Variants in KDM4C observed in about 807,000 individuals in gnomAD.
The protein encoded by KDM4C is lysine-specific demethylase 4C.
KDM4C carries 81 observed loss-of-function variants against 129.3 expected under a neutral mutation model. The observed-to-expected ratio is 0.63, with a 90% CI of 0.52 to 0.75. The LOEUF is 0.75. KDM4C is among the 30% of genes least tolerant of loss of function. The pLI is 0.00. For missense variants in KDM4C, 1,457 were observed against 1,304.0 expected, an observed-to-expected ratio of 1.12 and a Z score of -1.81; for synonymous variants, 573 against 456.1, an observed-to-expected ratio of 1.26 and a Z score of -3.26.
At chr9:6,950,486 A>G (rs147586767) in intron 8 of KDM4C, among the ~76,000 whole-genome samples, 133 of 152,298 alleles carry the variant, frequency 8.7e-4, no homozygotes, top group Non-Finnish European at 1.7e-3. Flanking sequence ...GGAAGTATTT[A>G]TGTGAAAACC....
At chr9:7,056,371 G>A (rs1224706774) in intron 17 of KDM4C, among the ~76,000 whole-genome samples, 1 of 150,832 alleles carries the variant, frequency 6.6e-6, no homozygotes, top group Non-Finnish European at 1.5e-5. Flanking sequence ...AAGTACATTA[G>A]TAGCTGTATA....
At chr9:6,771,350 C>T (rs924340862) in intron 1 of KDM4C, among the ~76,000 whole-genome samples, 3 of 151,794 alleles carry the variant, frequency 2.0e-5, no homozygotes, top group South Asian at 2.1e-4. Flanking sequence ...CTTGCTCTGT[C>T]GCCCAGGCTG....
At chr9:7,050,169 T>A (rs1334939544) in intron 17 of KDM4C, among the ~76,000 whole-genome samples, 1 of 152,072 alleles carries the variant, frequency 6.6e-6, no homozygotes, top group Non-Finnish European at 1.5e-5. Flanking sequence ...TGAACACTGT[T>A]ATTTGCCATC....
chr9:6,771,823 A>T (rs1821906115), intron 1 of KDM4C, among the ~76,000 whole-genome samples: 1 of 151,138 alleles, frequency 6.6e-6, no homozygotes, highest in Admixed American at 6.7e-5. Flanking sequence ...GCCCAGGCTG[A>T]GTGCTGGAGG....
chr9:6,832,071 G>T (rs926874803), intron 4 of KDM4C, among the ~76,000 whole-genome samples: 23 of 152,126 alleles, frequency 1.5e-4, no homozygotes, highest in African/African-American at 5.1e-4. Flanking sequence ...TGGGTGCGGT[G>T]GTCATGCCTG....
intron 19 of KDM4C, 100 bp from the exon 20 acceptor site, chr9:7,165,138 A>G (rs1587956128): frequency 1.4e-6 from 2 of 1,409,514 alleles, no homozygotes; most frequent in East Asian, 2.3e-5. Context: ...ACACAGAGGC[A>G]ATAACTCCTT....
At chr9:6,998,246 C>T (rs4504693) in intron 12 of KDM4C, among the ~76,000 whole-genome samples, 3 of 151,840 alleles carry the variant, frequency 2.0e-5, no homozygotes, top group South Asian at 2.1e-4. Context: ...TTTCTTGGGA[C>T]GTCTGTATAT....
intron 4 of KDM4C, among the ~76,000 whole-genome samples, chr9:6,842,778 A>G (rs960523159): frequency 4.2e-5 from 6 of 142,688 alleles, no homozygotes; most frequent in Non-Finnish European, 9.2e-5. Context: ...GTCTCCAAAT[A>G]CACATCACCC....
intron 3 of KDM4C, among the ~76,000 whole-genome samples, chr9:6,805,984 C>T (rs1019037289): frequency 6.6e-6 from 1 of 152,122 alleles, no homozygotes; most frequent in Non-Finnish European, 1.5e-5. Context: ...TTATCTCGTT[C>T]CTAGCAGTTA....
intron 8 of KDM4C, among the ~76,000 whole-genome samples, chr9:6,939,507 C>T (rs1825448938): frequency 1.3e-5 from 2 of 152,126 alleles, no homozygotes. Context: ...CCAAACCACC[C>T]CACACCAGAT....
chr9:7,100,712 A>G (rs1181966767), intron 17 of KDM4C, among the ~76,000 whole-genome samples: 1 of 151,644 alleles, frequency 6.6e-6, no homozygotes, highest in Admixed American at 6.6e-5. Context: ...CCTCATGTTG[A>G]CCCAGGGTTT....
At chr9:7,045,671 A>G (rs1486461834) in intron 15 of KDM4C, among the ~76,000 whole-genome samples, 3 of 151,990 alleles carry the variant, frequency 2.0e-5, no homozygotes, top group African/African-American at 7.3e-5. Flanking sequence ...TCAAATCAAT[A>G]TACACAGTGT....
At chr9:6,762,169 T>G (rs1012944953) in intron 1 of KDM4C, among the ~76,000 whole-genome samples, 1 of 152,136 alleles carries the variant, frequency 6.6e-6, no homozygotes, top group African/African-American at 2.4e-5. Flanking sequence ...TACATAGGTA[T>G]ACATGTGCCA....
intron 8 of KDM4C, among the ~76,000 whole-genome samples, chr9:6,897,414 G>T (rs1435160362): frequency 6.6e-6 from 1 of 151,440 alleles, no homozygotes; most frequent in Non-Finnish European, 1.5e-5. Flanking sequence ...CTGCTCTCTT[G>T]TCTTAACTTG....
chr9:7,106,760 G>A (rs1328607914), intron 18 of KDM4C, among the ~76,000 whole-genome samples: 3 of 152,050 alleles, frequency 2.0e-5, no homozygotes, highest in African/African-American at 7.2e-5. Context: ...CTCCCAAAGT[G>A]CCGGAGTTGT....
At chr9:6,990,110 T>C (rs1818457288) in intron 11 of KDM4C, among the ~76,000 whole-genome samples, 1 of 152,146 alleles carries the variant, frequency 6.6e-6, no homozygotes, top group African/African-American at 2.4e-5. Context: ...TTGTAAGAAC[T>C]TTAGAAAACT....
chr9:6,885,952 A>G (rs1330266169), intron 6 of KDM4C, among the ~76,000 whole-genome samples: 4 of 152,248 alleles, frequency 2.6e-5, no homozygotes, highest in East Asian at 1.9e-4. Flanking sequence ...TTACAAATCT[A>G]TATTGAAAGA....
intron 15 of KDM4C, among the ~76,000 whole-genome samples, chr9:7,043,627 G>C (rs1828942250): frequency 6.6e-6 from 1 of 151,852 alleles, no homozygotes; most frequent in South Asian, 2.1e-4. Flanking sequence ...TTGACCCTCT[G>C]AGGGCCATTG....
At chr9:7,170,497 A>C in intron 21 of KDM4C, 2 of 980,082 alleles carry the variant, frequency 2.0e-6, no homozygotes, top group East Asian at 1.1e-4. Context: ...TTAAAAGATG[A>C]ACAAACATGG....
Sources: allele counts gnomAD v4.1 joint callset (sites outside exome capture counted in the v4.1 genomes callset), GRCh38; gene constraint gnomAD v4.1.1; transcripts MANE v1.5; gene names NCBI Gene and HGNC (gene_info 2026-07-23, HGNC 2026-07-21).